MYO16: variants seen among roughly 807,000 people sequenced by gnomAD.
The protein encoded by MYO16 is myosin XVI, also known as unconventional myosin-XVI.
MYO16 carries 94 observed loss-of-function variants against 205.3 expected under a neutral mutation model. The ratio of observed to expected loss-of-function variants is 0.46; its 90% CI spans 0.39 to 0.54. MYO16 has a LOEUF of 0.54. Ranked by LOEUF, MYO16 falls within the 20% of genes least tolerant of loss-of-function variation. The pLI is 0.00. For missense variants in MYO16, 2,315 were observed against 2,387.5 expected, an observed-to-expected ratio of 0.97 and a Z score of 0.63; for synonymous variants, 988 against 954.0, an observed-to-expected ratio of 1.04 and a Z score of -0.66.
chr13:109,077,565 C>T (rs9521163), intron 27 of MYO16, among the ~76,000 whole-genome samples: 85,725 of 151,662 alleles, frequency 0.57, 24,364 homozygotes, highest in Non-Finnish European at 0.6. Context: ...TTGTGGAAGG[C>T]ATTTTTATGA....
intron 16 of MYO16, among the ~76,000 whole-genome samples, chr13:108,925,320 G>A (rs539808307): frequency 2.0e-4 from 30 of 152,258 alleles, no homozygotes; most frequent in African/African-American, 5.1e-4. Context: ...GAGTTAAACC[G>A]AGCTCCGCCA....
chr13:109,054,258 ATATTTGCT>A (rs1446254091), intron 25 of MYO16: 1 of 346,660 alleles, frequency 2.9e-6, no homozygotes, highest in Non-Finnish European at 5.8e-6. Context: ...AGGGCTGCAC[ATATTTGCT>A]TATTTGAAAA....
At chr13:108,906,219 G>T (rs1880970235) in intron 15 of MYO16, among the ~76,000 whole-genome samples, 1 of 152,132 alleles carries the variant, frequency 6.6e-6, no homozygotes, top group African/African-American at 2.4e-5. Context: ...AACTCAAAAG[G>T]GAGGGATGTC....
intron 21 of MYO16, among the ~76,000 whole-genome samples, chr13:109,001,276 G>A (rs1481949931): frequency 6.6e-6 from 1 of 152,072 alleles, no homozygotes; most frequent in African/African-American, 2.4e-5. Context: ...CCTGGGCCAG[G>A]TGGTAGCTGT....
intron 16 of MYO16, among the ~76,000 whole-genome samples, chr13:108,919,437 C>G (rs566200436): frequency 6.6e-6 from 1 of 152,222 alleles, no homozygotes; most frequent in Non-Finnish European, 1.5e-5. Flanking sequence ...TGCTTGATGA[C>G]GCAAGGCGAC....
At chr13:108,760,522 G>T (rs1329030488) in intron 4 of MYO16, among the ~76,000 whole-genome samples, 1 of 151,496 alleles carries the variant, frequency 6.6e-6, no homozygotes, top group Non-Finnish European at 1.5e-5. Flanking sequence ...ACTTGCTGGG[G>T]CAGTAAAAAT....
chr13:108,714,071 T>C (rs1255385607), intron 3 of MYO16, among the ~76,000 whole-genome samples: 1 of 152,130 alleles, frequency 6.6e-6, no homozygotes. Flanking sequence ...TTGTTGTTGT[T>C]GTTGAGACAG....
intron 12 of MYO16, among the ~76,000 whole-genome samples, chr13:108,868,796 C>CT (rs199678566): frequency 0.022 from 3,385 of 151,346 alleles, 208 homozygotes; most frequent in East Asian, 0.22. Flanking sequence ...TGGCAGGTGA[C>CT]GTAAACCCAG....
chr13:109,006,697 T>G (rs930341877), intron 21 of MYO16, among the ~76,000 whole-genome samples: 8 of 152,206 alleles, frequency 5.3e-5, no homozygotes, highest in Non-Finnish European at 8.8e-5. Context: ...TAAATATTGA[T>G]CTGTAATTAT....
chr13:108,827,513 C>T (rs1008343174), intron 9 of MYO16, among the ~76,000 whole-genome samples: 5 of 152,144 alleles, frequency 3.3e-5, no homozygotes, highest in African/African-American at 9.7e-5. Context: ...CCATATTTCA[C>T]GTTTTCTAAG....
At chr13:109,183,139 G>A (rs1879527107) in intron 34 of MYO16, among the ~76,000 whole-genome samples, 1 of 152,042 alleles carries the variant, frequency 6.6e-6, no homozygotes, top group African/African-American at 2.4e-5. Flanking sequence ...CATTTTATGA[G>A]ATTTTACTTT....
chr13:108,979,677 T>C (rs1258533731), intron 20 of MYO16, among the ~76,000 whole-genome samples: 1 of 152,076 alleles, frequency 6.6e-6, no homozygotes. Context: ...CTCCATTTCC[T>C]TACCAAAATA....
At chr13:108,874,384 TTATAA>T (rs959759577) in intron 12 of MYO16, among the ~76,000 whole-genome samples, 1 of 152,176 alleles carries the variant, frequency 6.6e-6, no homozygotes, top group African/African-American at 2.4e-5. Context: ...GTTAAAAAAA[TTATAA>T]TATTTGAAAT....
chr13:108,658,582 A>G (rs1881348826), intron 1 of MYO16, among the ~76,000 whole-genome samples: 1 of 152,034 alleles, frequency 6.6e-6, no homozygotes. Flanking sequence ...CAAAATTGTG[A>G]TGGATCTCCT....
chr13:108,496,308 G>A, the MYO16 span, among the ~76,000 whole-genome samples: 15 of 152,350 alleles, frequency 9.8e-5, no homozygotes, highest in Admixed American at 3.9e-4. Flanking sequence ...TAGGGGAGAT[G>A]GGGGAAGCGG....
At chr13:108,825,306 A>G (rs1001598509) in intron 9 of MYO16, among the ~76,000 whole-genome samples, 1 of 152,096 alleles carries the variant, frequency 6.6e-6, no homozygotes. Flanking sequence ...GATTATCTCA[A>G]TATATGCAGA....
Position 109,206,634 on chromosome 13 carries a change from A to G in MYO16, c.5441A>G (p.Glu1814Gly), listed in dbSNP as rs938385853. The G allele has an allele frequency of 5.0e-6, 8 of 1,613,476 alleles. No homozygotes were observed. The highest frequency in any genetic ancestry group is 4.0e-5 in the African/African-American group (3 of 74,902). Residue 1814 changes from glutamate (E) to glycine (G), a missense_variant, in exon 35 of 35, where the codon GAG becomes GGG. This residue lies in a region of MYO16 where 1,097 missense variants were observed against 1,092.0 expected (regional missense o/e 1.00). Transcript: ENST00000457511. ...GTAATCCATCAGCTGAGGCTCTCAGAGAATGAAAGTGTGGCCCTGCAGGAA... is the reference window on the plus strand; with the variant it reads ...GTAATCCATCAGCTGAGGCTCTCAGGGAATGAAAGTGTGGCCCTGCAGGAA... ...TQVIHQLRLS[E>G]NESVALQELL...
In MYO16 at chr13:109,100,850, G is replaced by A. The variant is rs781634906; in HGVS notation, c.3401G>A (p.Arg1134Gln). 2.2e-5 allele frequency: 35 copies of A among 1,613,402 alleles called. No homozygotes were observed. In the East Asian group the frequency reaches 2.9e-4, roughly 13 times the overall value. ...GAACAGTCAGCTGCCGAGCGATGTCGACTTGTTCTCCAGCAGTGTAAATTA... is the reference window on the plus strand; with the variant it reads ...GAACAGTCAGCTGCCGAGCGATGTCAACTTGTTCTCCAGCAGTGTAAATTA... The part of the protein sequence containing the change: ...KKEQSAAERC[R>Q]LVLQQCKLQG... The change falls in exon 28 of 35, where the codon CGA becomes CAA. Residue 1134 changes from arginine to glutamine, a missense_variant. By Grantham distance (43) the Arg-to-Gln change is conservative. Coordinates refer to ENST00000457511, the MANE Select transcript of MYO16 (RefSeq NM_001198950.3).
At chr13:108,869,357 C>T (rs148197605) in intron 12 of MYO16, among the ~76,000 whole-genome samples, 156 of 152,154 alleles carry the variant, frequency 1.0e-3, no homozygotes, top group Middle Eastern at 6.8e-3. Context: ...TTTTTAAATG[C>T]TGTTATAAAT....
Sources: gnomAD v4.1 joint callset for allele counts (sites outside exome capture counted in the v4.1 genomes callset) on GRCh38, gnomAD v4.1.1 for gene constraint, gnomAD v4.1.1 regional missense constraint, MANE v1.5 for transcripts, NCBI Gene and HGNC (gene_info 2026-07-23, HGNC 2026-07-21) for gene names.